EVC: variants seen among roughly 807,000 people sequenced by gnomAD.
The protein encoded by EVC is EvC ciliary complex subunit 1, also known as evC complex member EVC.
In EVC, 116 loss-of-function variants were observed where a neutral mutation model predicts 118.9. That is an observed-to-expected ratio of 0.98 (90% CI 0.84 to 1.14). The LOEUF is 1.14. EVC is among the 50% of genes most tolerant of loss of function. The pLI is 0.00. For missense variants in EVC, 1,401 were observed against 1,246.4 expected, an observed-to-expected ratio of 1.12 and a Z score of -1.87; for synonymous variants, 619 against 534.7, an observed-to-expected ratio of 1.16 and a Z score of -2.18.
chr4:5,800,134 C>G (rs879290165), intron 15 of EVC, among the ~76,000 whole-genome samples: 2 of 152,152 alleles, frequency 1.3e-5, no homozygotes, highest in Non-Finnish European at 2.9e-5. Context: ...CACTTGAGGT[C>G]AGGAGTTTGA....
At chr4:5,729,519 G>A (rs373751797) in intron 3 of EVC, 129 bp downstream of exon 3, 3 of 901,504 alleles carry the variant, frequency 3.3e-6, no homozygotes, top group Admixed American at 3.9e-5. Context: ...AGTCATTTTA[G>A]TAGGGATAGT....
the EVC span, chr4:5,827,967 GA>G: frequency 1.1e-6 from 1 of 908,594 alleles, no homozygotes; most frequent in Non-Finnish European, 1.3e-6. Flanking sequence ...GTTGTTCAAG[GA>G]AAATAAGGAA....
rs774404997 is a variant in EVC, at chr4:5,719,202, A to G, written c.175-46A>G. 38 of 1,613,470 alleles carry G rather than the reference A, an allele frequency of 2.4e-5. No homozygotes were observed. The highest frequency in any genetic ancestry group is 3.1e-5 in the Non-Finnish European group (37 of 1,179,656). On this transcript the variant is annotated intron_variant, in intron 1 of 20. Coordinates refer to ENST00000264956, the MANE Select transcript of EVC (RefSeq NM_153717.3). This position sits in a 1 kb window ranked among gnomAD's most constrained non-coding sequence, Gnocchi z 4.7. ...GTGGGGACCAGGCCGACTGACCTCA[A>G]TGTTGTGTTTCTATCCACCCCCAAC...
At chr4:5,773,651 A>T (rs1038098311) in intron 11 of EVC, among the ~76,000 whole-genome samples, 1 of 152,076 alleles carries the variant, frequency 6.6e-6, no homozygotes, top group Admixed American at 6.5e-5. Context: ...GATCCCCCAT[A>T]GTCCCTGCAG....
chr4:5,796,162 A>G (rs1054532508), intron 13 of EVC, among the ~76,000 whole-genome samples: 5 of 152,118 alleles, frequency 3.3e-5, no homozygotes, highest in African/African-American at 9.7e-5. Flanking sequence ...GATTCCTTGT[A>G]TAGTTTCCAG....
At chr4:5,778,327 G>T (rs1735040415) in intron 11 of EVC, among the ~76,000 whole-genome samples, 1 of 152,054 alleles carries the variant, frequency 6.6e-6, no homozygotes, top group African/African-American at 2.4e-5. Flanking sequence ...ATAGCAGCAT[G>T]ATTTATAGTC....
intron 12 of EVC, among the ~76,000 whole-genome samples, chr4:5,785,846 C>A (rs564302365): frequency 6.6e-6 from 1 of 152,336 alleles, no homozygotes; most frequent in East Asian, 1.9e-4. Flanking sequence ...AAGCTGAATT[C>A]TTCCTATTCA....
chr4:5,736,022 TC>T (rs1727611546), intron 5 of EVC, among the ~76,000 whole-genome samples: 2 of 152,032 alleles, frequency 1.3e-5, no homozygotes, highest in South Asian at 4.2e-4. Flanking sequence ...CATGAGACCC[TC>T]ATGCATCCCA....
In EVC at chr4:5,801,864, GC is replaced by G. The variant is rs1431080060; in HGVS notation, c.2305-85del. ...GAGTAGGTGGAAGATCTGAACCAGG[GC>G]ATGGGGAGGCAGGGACTGGATGGGC... On this transcript the variant is annotated intron_variant, in intron 15 of 20. Transcript: ENST00000264956. 7 of 1,473,034 alleles carry G rather than the reference GC, an allele frequency of 4.8e-6. No individual in the cohort carries two copies. In the African/African-American group the frequency reaches 9.7e-5, roughly 20 times the overall value. The allele number at this position is 1,473,034 out of a possible 1,614,324, so 91.2% of individuals were successfully genotyped here.
At chr4:5,822,498 G>C in the EVC span, among the ~76,000 whole-genome samples, 43 of 152,184 alleles carry the variant, frequency 2.8e-4, 1 homozygote, top group East Asian at 7.9e-3. Flanking sequence ...TCTGAAGGGG[G>C]GGGGGGTGGT....
intron 5 of EVC, among the ~76,000 whole-genome samples, chr4:5,735,822 T>A (rs2199841): frequency 1.3e-5 from 2 of 152,162 alleles, no homozygotes; most frequent in Admixed American, 1.3e-4. Flanking sequence ...ATGTGTTGCA[T>A]GTGTGATTGG....
chr4:5,713,391 G>A (rs1260451243), intron 1 of EVC, among the ~76,000 whole-genome samples: 1 of 152,144 alleles, frequency 6.6e-6, no homozygotes, highest in Non-Finnish European at 1.5e-5. Flanking sequence ...AAAAGATAAT[G>A]CCCAGGCTGG....
Position 5,809,389 on chromosome 4 carries a change from A to C in EVC, c.2689-129A>C, listed in dbSNP as rs572172539. On this transcript the variant is annotated intron_variant, in intron 18 of 20. Transcript: ENST00000264956. Reference sequence around the variant, plus strand: ...TCCTCTCTGGGATGTATGTTGGAAAATTCTCCTCCACACGGGAGACGTGGT... The same window carrying C: ...TCCTCTCTGGGATGTATGTTGGAAACTTCTCCTCCACACGGGAGACGTGGT... 6.3e-6 allele frequency: 5 copies of C among 789,052 alleles called. No individual in the cohort carries two copies. The African/African-American group carries it at 6.8e-5, about 11-fold the overall frequency. 48.9% of individuals were successfully genotyped at this position (789,052 alleles called of 1,614,324 possible).
chr4:5,802,000 T>C lies in EVC; in HGVS notation c.2355T>C (p.Gly785=). ...AGAGCGTCTACGTGACCAGCGCTGG[T>C]GTCAGCCGCCTGGTGCAGGCGTATT... ...AVESVYVTSA[G]VSRLVQAYYQ... is the part of the protein sequence containing the mutation. The change falls in exon 16 of 21, where the codon GGT becomes GGC. Residue 785 remains glycine, a synonymous_variant. Coordinates refer to ENST00000264956, the MANE Select transcript of EVC (RefSeq NM_153717.3). The C allele has an allele frequency of 6.2e-7, 1 of 1,614,110 alleles. No homozygotes were observed. The highest frequency in any genetic ancestry group is 8.5e-7 in the Non-Finnish European group (1 of 1,180,022).
At chr4:5,778,941 C>G (rs897963202) in intron 11 of EVC, among the ~76,000 whole-genome samples, 19 of 152,030 alleles carry the variant, frequency 1.2e-4, no homozygotes, top group African/African-American at 4.6e-4. Context: ...ATGGTAATGC[C>G]TAGGTTTTCT....
intron 2 of EVC, among the ~76,000 whole-genome samples, chr4:5,726,840 C>A (rs552609131): frequency 6.7e-6 from 1 of 149,630 alleles, no homozygotes; most frequent in Non-Finnish European, 1.5e-5. Flanking sequence ...TTTGTTCTTG[C>A]GATAGTTTAC....
intron 8 of EVC, among the ~76,000 whole-genome samples, chr4:5,752,311 G>C (rs184983371): frequency 3.9e-5 from 6 of 152,312 alleles, no homozygotes; most frequent in Middle Eastern, 3.4e-3. Context: ...ATGAGGTGGG[G>C]CTGGGGAGGG....
chr4:5,778,461 T>G (rs1735066274), intron 11 of EVC, among the ~76,000 whole-genome samples: 1 of 150,998 alleles, frequency 6.6e-6, no homozygotes, highest in African/African-American at 2.4e-5. Flanking sequence ...ACCAACAGTG[T>G]AAAAGTGTTC....
intron 8 of EVC, among the ~76,000 whole-genome samples, chr4:5,748,686 A>G (rs1434935657): frequency 5.5e-5 from 5 of 91,410 alleles, no homozygotes; most frequent in African/African-American, 1.9e-4. Context: ...CCATCCACCC[A>G]CCCATCCATC....
Sources: allele counts gnomAD v4.1 joint callset (sites outside exome capture counted in the v4.1 genomes callset), GRCh38; gene constraint gnomAD v4.1.1; non-coding constraint Gnocchi (gnomAD v3.1); transcripts MANE v1.5; gene names NCBI Gene and HGNC (gene_info 2026-07-23, HGNC 2026-07-21).